The following TMEM132B variants were observed in gnomAD, a reference collection of about 807,000 sequenced individuals.
The protein encoded by TMEM132B is transmembrane protein 132B.
TMEM132B carries 18 observed loss-of-function variants against 90.8 expected under a neutral mutation model. The ratio of observed to expected loss-of-function variants is 0.20; its 90% confidence interval spans 0.14 to 0.29. The LOEUF is 0.29. TMEM132B is among the 10% of genes least tolerant of loss of function. The pLI is 1.00. For synonymous variants in TMEM132B, 504 were observed against 523.3 expected (o/e 0.96, Z 0.50); for missense variants, 1,096 against 1,326.8 (o/e 0.83, Z 2.70).
At chr12:125,470,744 G>T (rs1199014773) in intron 3 of TMEM132B, among the ~76,000 whole-genome samples, 1 of 152,118 alleles carries the variant, frequency 6.6e-6, no homozygotes, top group Non-Finnish European at 1.5e-5. Context: ...ACTCCTGGGG[G>T]GTTTGCCTCA....
intron 4 of TMEM132B, among the ~76,000 whole-genome samples, chr12:125,567,464 C>T (rs571885600): frequency 6.6e-5 from 10 of 152,230 alleles, no homozygotes; most frequent in East Asian, 1.9e-4. Flanking sequence ...TTTCCCTCCC[C>T]GCTTCATCCA....
intron 5 of TMEM132B, among the ~76,000 whole-genome samples, chr12:125,630,824 A>G (rs74632634): frequency 0.096 from 14,625 of 152,108 alleles, 1,170 homozygotes; most frequent in Admixed American, 0.27. Flanking sequence ...GACACTTATA[A>G]GTGAGAACAT....
chr12:125,534,391 C>G (rs1219833239), intron 4 of TMEM132B, among the ~76,000 whole-genome samples: 1 of 152,126 alleles, frequency 6.6e-6, no homozygotes, highest in Non-Finnish European at 1.5e-5. Flanking sequence ...GTGACACATG[C>G]CTGTAATCCC....
intron 7 of TMEM132B, 41 bp from the exon 8 acceptor site, chr12:125,652,400 T>G: frequency 1.3e-6 from 2 of 1,522,574 alleles, no homozygotes; most frequent in Non-Finnish European, 1.8e-6. Flanking sequence ...ATGGTGCTCA[T>G]GAGGAGCAGA....
In TMEM132B at chr12:125,479,176, A is replaced by G. The variant is rs763097552; in HGVS notation, c.1107-40263A>G. ...AAGAACATGCCAAATTGTAAAGACC[A>G]TCAATGCTAGGAAGAAACTGCATCA... On this transcript the variant is annotated intron_variant, in intron 3 of 8. Transcript: ENST00000682704. Among the ~76,000 whole-genome samples, 75 of 152,334 alleles carry G rather than the reference A, an allele frequency of 4.9e-4. 1 individual carries two copies. The highest frequency in any genetic ancestry group is 5.1e-4 in the Non-Finnish European group (35 of 68,028).
intron 1 of TMEM132B, among the ~76,000 whole-genome samples, chr12:125,270,683 C>T (rs562911456): frequency 6.6e-6 from 1 of 151,500 alleles, no homozygotes; most frequent in Non-Finnish European, 1.5e-5. Context: ...GTATTTACTC[C>T]GTCTGCCAAA....
Position 125,487,743 on chromosome 12 carries a change from C to T in TMEM132B, c.1107-31696C>T, listed in dbSNP as rs547027442. Among the ~76,000 whole-genome samples the T allele has an allele frequency of 7.9e-5, 12 of 152,250 alleles. No individual in the cohort carries two copies. In the East Asian group the frequency reaches 1.7e-3, roughly 22 times the overall value. ...GAAGCAGAAATGGCGAGGTGAACAT[C>T]GAGGAGTGTCAAACATGTTTTTGCC... On this transcript the variant is annotated intron_variant, in intron 3 of 8. Coordinates refer to ENST00000682704, the MANE Select transcript of TMEM132B (RefSeq NM_001366854.1).
intron 4 of TMEM132B, among the ~76,000 whole-genome samples, chr12:125,537,110 T>C (rs539147749): frequency 6.6e-6 from 1 of 152,262 alleles, no homozygotes. Context: ...GACACCACCA[T>C]GATACCAAAA....
chr12:125,481,809 A>C (rs1882050737), intron 3 of TMEM132B, among the ~76,000 whole-genome samples: 1 of 152,210 alleles, frequency 6.6e-6, no homozygotes, highest in East Asian at 1.9e-4. Context: ...ATCCTAAGCC[A>C]AAAGAACAAA....
chr12:125,646,996 T>A (rs1401822323), intron 6 of TMEM132B, among the ~76,000 whole-genome samples: 1 of 151,852 alleles, frequency 6.6e-6, no homozygotes, highest in African/African-American at 2.4e-5. Context: ...ATGGAAAATA[T>A]CTCAGCAAGG....
intron 5 of TMEM132B, among the ~76,000 whole-genome samples, chr12:125,589,862 A>G (rs1049100361): frequency 1.3e-5 from 2 of 152,024 alleles, no homozygotes; most frequent in Non-Finnish European, 1.5e-5. Flanking sequence ...AGGGATTACA[A>G]TTCAACATGA....
chr12:125,511,584 C>T (rs1700966671), intron 3 of TMEM132B, among the ~76,000 whole-genome samples: 1 of 152,026 alleles, frequency 6.6e-6, no homozygotes, highest in South Asian at 2.1e-4. Flanking sequence ...GGCACGGTGG[C>T]TCACGCCTGT....
At chr12:125,633,117 A>C (rs1886404747) in intron 5 of TMEM132B, among the ~76,000 whole-genome samples, 1 of 151,690 alleles carries the variant, frequency 6.6e-6, no homozygotes, top group African/African-American at 2.4e-5. Context: ...TCTTTTTTTA[A>C]ATTTTGTCTC....
intron 6 of TMEM132B, 145 bp from the exon 7 acceptor site, chr12:125,650,538 G>GATA: frequency 1.1e-6 from 1 of 873,068 alleles, no homozygotes; most frequent in East Asian, 2.7e-5. Context: ...GAATGAACTG[G>GATA]GAGTGGATAG....
chr12:125,485,647 T>C (rs896600017), intron 3 of TMEM132B, among the ~76,000 whole-genome samples: 8 of 152,196 alleles, frequency 5.3e-5, no homozygotes, highest in Admixed American at 3.3e-4. Context: ...ACCGGGTATC[T>C]CATTTTAGAG....
At chr12:125,271,706 A>G (rs1874841073) in intron 1 of TMEM132B, among the ~76,000 whole-genome samples, 1 of 152,072 alleles carries the variant, frequency 6.6e-6, no homozygotes, top group East Asian at 1.9e-4. Flanking sequence ...TGAAGAGGCC[A>G]TGTTTCCCAA....
chr12:125,310,526 C>G (rs75031708), intron 1 of TMEM132B, among the ~76,000 whole-genome samples: 1 of 152,126 alleles, frequency 6.6e-6, no homozygotes, highest in Non-Finnish European at 1.5e-5. Flanking sequence ...GAAACTTGGG[C>G]TTGAACCCAG....
chr12:125,631,677 G>A (rs1886371632), intron 5 of TMEM132B, among the ~76,000 whole-genome samples: 1 of 152,098 alleles, frequency 6.6e-6, no homozygotes, highest in South Asian at 2.1e-4. Context: ...AGTGTTGGGA[G>A]CATATTTAGT....
intron 1 of TMEM132B, among the ~76,000 whole-genome samples, chr12:125,284,465 C>T (rs1875290713): frequency 6.6e-6 from 1 of 152,182 alleles, no homozygotes; most frequent in African/African-American, 2.4e-5. Flanking sequence ...AGGGGTTAGA[C>T]CGCAAAGATC....
Sources: gnomAD v4.1 joint callset for allele counts (sites outside exome capture counted in the v4.1 genomes callset) on GRCh38, gnomAD v4.1.1 for gene constraint, MANE v1.5 for transcripts, NCBI Gene and HGNC (gene_info 2026-07-23, HGNC 2026-07-21) for gene names.